Variants in GLRA2 observed in about 807,000 individuals in gnomAD.
GLRA2 encodes glycine receptor subunit alpha-2.
Under a neutral mutation model 31.6 loss-of-function variants are expected in GLRA2, and 11 were observed. The observed-to-expected ratio is 0.35, with a 90% CI of 0.22 to 0.58. The LOEUF (loss-of-function observed/expected upper bound fraction) is 0.58. Among genes scored for constraint, GLRA2 ranks in the 20% least tolerant of loss-of-function variants. The pLI, the probability that GLRA2 is intolerant of heterozygous loss-of-function variation, is 0.84. For missense variants in GLRA2, 212 were observed against 351.8 expected (o/e 0.60, Z 3.18); for synonymous variants, 132 against 134.0 (o/e 0.99, Z 0.10).
At chrX:14,572,173 T>C (rs1387816591) in intron 2 of GLRA2, among the ~76,000 whole-genome samples, 5 of 112,287 alleles carry the variant, frequency 4.5e-5, no homozygotes, top group Admixed American at 1.9e-4. Flanking sequence ...TCAGGAAAGA[T>C]AAAAACGAAT....
chrX:14,514,155 G>A, the GLRA2 span, among the ~76,000 whole-genome samples: 1 of 110,753 alleles, frequency 9.0e-6, no homozygotes, highest in Non-Finnish European at 1.9e-5. Flanking sequence ...ACTCAGGAAT[G>A]GAAAACCAAA....
rs761167343 is a variant in GLRA2 at position 14,530,113 on chromosome X, C to A, written c.56C>A (p.Thr19Lys). ...LTALFAFFLE[T>K]NHFRTAFCKD... ...GCCTTGTTTGCATTTTTCTTAGAGA[C>A]AAACCACTTCAGGTAGGTGAAACGA... The change falls in exon 1 of 9, where the codon ACA becomes AAA. Residue 19 changes from threonine (T) to lysine (K), a missense_variant. This residue lies in a region of GLRA2 where 33 missense variants were observed against 27.7 expected (regional missense o/e 1.19). Coordinates refer to ENST00000218075, the MANE Select transcript of GLRA2 (RefSeq NM_002063.4). 1 of 1,168,440 alleles carries A rather than the reference C, an allele frequency of 8.6e-7. No homozygotes were observed. Among genetic ancestry groups the A allele is most frequent in the East Asian group, 3.0e-5 (1 of 33,688 alleles).
chrX:14,465,374 G>A, the GLRA2 span, among the ~76,000 whole-genome samples: 20 of 111,749 alleles, frequency 1.8e-4, no homozygotes, highest in Non-Finnish European at 3.4e-4. Context: ...TTTTCTTTAC[G>A]TGTAAGATTA....
rs143665554 is a variant in GLRA2, at chrX:14,708,262, C to T, written c.1080+17403C>T. 3.2e-3 allele frequency among the ~76,000 whole-genome samples: 350 copies of T among 111,095 alleles called. 1 individual carries two copies. Among genetic ancestry groups the T allele is most frequent in the African/African-American group, 0.01 (316 of 30,495 alleles). On this transcript the variant is annotated intron_variant, in intron 8 of 8. Transcript: ENST00000218075. ...GATTCCACATATAAGTGAGAACCTG[C>T]AGTATTTCACAGCAAAAAGTTTTGA... is the stretch of plus-strand genomic sequence containing the variant.
At chrX:14,612,692 G>A (rs1421269395) in intron 7 of GLRA2, among the ~76,000 whole-genome samples, 2 of 110,505 alleles carry the variant, frequency 1.8e-5, no homozygotes, top group African/African-American at 6.6e-5. Flanking sequence ...GATGAAGCTG[G>A]AAACCATCAT....
chrX:14,646,222 A>C (rs1315062073), intron 7 of GLRA2, among the ~76,000 whole-genome samples: 1 of 112,197 alleles, frequency 8.9e-6, no homozygotes, highest in Admixed American at 9.5e-5. Context: ...TAGACTGCAT[A>C]GCCAGTAAGT....
the GLRA2 span, among the ~76,000 whole-genome samples, chrX:14,459,998 G>A: frequency 8.9e-6 from 1 of 111,857 alleles, no homozygotes; most frequent in South Asian, 3.7e-4. Flanking sequence ...GTATGATATT[G>A]GCTGTGGGTT....
intron 4 of GLRA2, among the ~76,000 whole-genome samples, chrX:14,600,332 A>G (rs3027380): frequency 0.037 from 4,138 of 111,290 alleles, 126 homozygotes; most frequent in African/African-American, 0.097. Flanking sequence ...TAACAAACCA[A>G]TATATAGTTG....
intron 2 of GLRA2, among the ~76,000 whole-genome samples, chrX:14,543,236 CAAA>C (rs60906048): frequency 4.7e-4 from 11 of 23,367 alleles, no homozygotes; most frequent in African/African-American, 1.1e-3. Context: ...TTGTCATCTG[CAAA>C]AAAAAAAAAA....
chrX:14,695,927 C>A (rs970444729), intron 8 of GLRA2, among the ~76,000 whole-genome samples: 1 of 110,565 alleles, frequency 9.0e-6, no homozygotes, highest in Non-Finnish European at 1.9e-5. Context: ...AGTGGGAGTG[C>A]CCATATGAGA....
chrX:14,707,033 T>C (rs2091633324), intron 8 of GLRA2, among the ~76,000 whole-genome samples: 1 of 96,922 alleles, frequency 1.0e-5, no homozygotes. Context: ...AAAATAAAAC[T>C]TACAAAAATA....
chrX:14,469,862 A>G, the GLRA2 span, among the ~76,000 whole-genome samples: 1 of 110,813 alleles, frequency 9.0e-6, no homozygotes, highest in African/African-American at 3.3e-5. Flanking sequence ...TTAAAAAAAA[A>G]CAAAGCTAAT....
At chrX:14,689,858 T>C (rs1341708923) in intron 7 of GLRA2, among the ~76,000 whole-genome samples, 3 of 112,095 alleles carry the variant, frequency 2.7e-5, no homozygotes, top group Non-Finnish European at 5.6e-5. Flanking sequence ...TCGAGTGAGA[T>C]GAGGGGCATT....
At chrX:14,588,862 A>C (rs923874481) in intron 4 of GLRA2, among the ~76,000 whole-genome samples, 2 of 111,214 alleles carry the variant, frequency 1.8e-5, no homozygotes, top group African/African-American at 6.5e-5. Flanking sequence ...TTGTGTTCTT[A>C]ATTTTACTCT....
the GLRA2 span, among the ~76,000 whole-genome samples, chrX:14,478,773 C>G: frequency 8.9e-6 from 1 of 111,979 alleles, no homozygotes; most frequent in African/African-American, 3.2e-5. Context: ...CTGTTATAGC[C>G]TCACTTTCTT....
chrX:14,606,598 A>G (rs2090336998), intron 5 of GLRA2, among the ~76,000 whole-genome samples: 1 of 111,667 alleles, frequency 9.0e-6, no homozygotes, highest in African/African-American at 3.2e-5. Context: ...AAGTAGAAGG[A>G]CTTTAACATA....
chrX:14,493,614 CATAT>C, the GLRA2 span, among the ~76,000 whole-genome samples: 11 of 97,618 alleles, frequency 1.1e-4, no homozygotes, highest in Non-Finnish European at 2.2e-4. Context: ...CACATATACA[CATAT>C]ATACACATAT....
chrX:14,661,312 C>T (rs181477533), intron 7 of GLRA2, among the ~76,000 whole-genome samples: 3 of 112,063 alleles, frequency 2.7e-5, no homozygotes, highest in African/African-American at 9.7e-5. Flanking sequence ...TGGCAGTGTG[C>T]TATCTTTTCC....
intron 7 of GLRA2, among the ~76,000 whole-genome samples, chrX:14,660,059 G>A (rs1279296683): frequency 9.0e-6 from 1 of 111,490 alleles, no homozygotes; most frequent in African/African-American, 3.3e-5. Flanking sequence ...TATTCCATCA[G>A]GGGGAGACAG....
Sources: gnomAD v4.1 joint callset for allele counts (sites outside exome capture counted in the v4.1 genomes callset) on GRCh38, gnomAD v4.1.1 for gene constraint, gnomAD v4.1.1 regional missense constraint, MANE v1.5 for transcripts, NCBI Gene and HGNC (gene_info 2026-07-23, HGNC 2026-07-21) for gene names.